Variants in CD8B observed in about 807,000 individuals in gnomAD.
The protein encoded by CD8B is CD8 subunit beta, also known as T-cell surface glycoprotein CD8 beta chain.
In CD8B, 6 loss-of-function variants were observed where a neutral mutation model predicts 24.2. That is an observed-to-expected ratio of 0.25 (90% CI 0.14 to 0.49). The LOEUF is 0.49. Ranked by LOEUF, CD8B falls within the 20% of genes least tolerant of loss-of-function variation. The pLI is 0.98. For synonymous variants in CD8B, 84 were observed against 108.3 expected (o/e 0.78, Z 1.39); for missense variants, 196 against 271.3 (o/e 0.72, Z 1.95).
At chr2:86,859,708 A>G in intron 1 of CD8B, among the ~76,000 whole-genome samples, 1 of 150,790 alleles carries the variant, frequency 6.6e-6, no homozygotes. Flanking sequence ...TTGGCTGTGG[A>G]GCAAAGGGAG....
chr2:86,827,112 T>C (rs893606988), intron 5 of CD8B, among the ~76,000 whole-genome samples: 2 of 152,118 alleles, frequency 1.3e-5, no homozygotes, highest in African/African-American at 4.8e-5. Flanking sequence ...TGAGCCACTG[T>C]GCCTGGCTGA....
chr2:86,837,252 G>T (rs912516156), downstream of CD8B, among the ~76,000 whole-genome samples: 1 of 152,214 alleles, frequency 6.6e-6, no homozygotes, highest in African/African-American at 2.4e-5. Flanking sequence ...CTTGTGAAAG[G>T]CAGTAAACTA....
chr2:86,829,095 CTTT>C (rs746569858), intron 5 of CD8B, among the ~76,000 whole-genome samples: 1 of 82,988 alleles, frequency 1.2e-5, no homozygotes, highest in Non-Finnish European at 2.2e-5. Flanking sequence ...ATGCTCTTTA[CTTT>C]TTTTTTTTTT....
Position 86,841,807 on chromosome 2 carries a change from C to T in CD8B, c.*500G>A. 1 of 985,786 alleles carries T rather than the reference C, an allele frequency of 1.0e-6. No homozygotes were observed. 61.1% of individuals were successfully genotyped at this position (985,786 alleles called of 1,614,324 possible). On this transcript the variant is annotated 3_prime_UTR_variant, in exon 6 of 6. Coordinates refer to ENST00000390655, the MANE Select transcript of CD8B (RefSeq NM_004931.5). Reference sequence around the variant, plus strand: ...ACTGATATGCCTTCTGGGAACTGGACAGCCCCTCTCAGCAAGCCTCATTCC... The same window carrying T: ...ACTGATATGCCTTCTGGGAACTGGATAGCCCCTCTCAGCAAGCCTCATTCC...
chr2:86,852,802 C>A (rs1676039765), intron 3 of CD8B, among the ~76,000 whole-genome samples, 195 bp downstream of exon 3: 1 of 151,626 alleles, frequency 6.6e-6, no homozygotes, highest in East Asian at 1.9e-4. Context: ...TGTCCAGTAA[C>A]AATTTATGAG....
chr2:86,828,285 T>C (rs72847704), intron 5 of CD8B, among the ~76,000 whole-genome samples: 40,374 of 151,738 alleles, frequency 0.27, 5,769 homozygotes, highest in Non-Finnish European at 0.33. Flanking sequence ...GTGGGCAAAA[T>C]TTCTCTACAA....
In CD8B at chr2:86,840,734, C is replaced by CA. The variant is rs906205822; in HGVS notation, c.*1572dup. ...TGTATGTTTTGTTCAGTTCTTTGTT[C>CA]AAAATGCCAAGGACCTGGACAACTT... On this transcript the variant is annotated 3_prime_UTR_variant, in exon 6 of 6. Transcript: ENST00000390655. Among the ~76,000 whole-genome samples the CA allele has an allele frequency of 5.3e-5, 8 of 152,000 alleles. No individual in the cohort carries two copies. The highest frequency in any genetic ancestry group is 1.9e-4 in the African/African-American group (8 of 41,360).
intron 5 of CD8B, among the ~76,000 whole-genome samples, chr2:86,822,009 G>C (rs144940065): frequency 5.9e-4 from 90 of 152,186 alleles, no homozygotes; most frequent in African/African-American, 2.0e-3. Flanking sequence ...TTGCAACTCC[G>C]AGCAACTCTG....
At chr2:86,829,905 G>A (rs892278577) in intron 5 of CD8B, among the ~76,000 whole-genome samples, 4 of 152,152 alleles carry the variant, frequency 2.6e-5, no homozygotes, top group Admixed American at 6.6e-5. Flanking sequence ...TGGGTTCATA[G>A]AATATCTAAC....
intron 3 of CD8B, among the ~76,000 whole-genome samples, chr2:86,850,629 A>G (rs1675927192): frequency 6.6e-6 from 1 of 152,074 alleles, no homozygotes; most frequent in Admixed American, 6.6e-5. Context: ...ACTAGGCTAC[A>G]CTGACCCAGG....
chr2:86,833,070 A>G, intron 5 of CD8B: 1 of 362,712 alleles, frequency 2.8e-6, no homozygotes, highest in Admixed American at 3.3e-5. Context: ...TCATAGGCAC[A>G]GGAACACAGC....
intron 3 of CD8B, among the ~76,000 whole-genome samples, chr2:86,848,701 A>ATTAATTATTTATTTATTTATTTATTTTAT (rs58311096): frequency 1.7e-5 from 1 of 58,890 alleles, no homozygotes; most frequent in Non-Finnish European, 3.0e-5. Flanking sequence ...GTATTTTTAA[A>ATTAATTATTTATTTATTTATTTATTTTAT]TTATTTATTT....
rs753945058 is a variant in CD8B at position 86,832,989 on chromosome 2, TCTCTC to T, written c.620+11928_620+11932del. The T allele has an allele frequency of 2.1e-3, 426 of 203,020 alleles. 1 individual carries two copies. Among genetic ancestry groups the T allele is most frequent in the Admixed American group, 4.7e-3 (69 of 14,740 alleles). The allele number at this position is 203,020 out of a possible 1,614,324, so 12.6% of individuals were successfully genotyped here. On this transcript the variant is annotated intron_variant, in intron 5 of 5. Transcript: ENST00000331469. ...CCTCCCCTCCCCTCCCCTCCCCTCT[TCTCTC>T]CTCTCCTCTTCTCTCTCTCCCTCTT...
intron 3 of CD8B, among the ~76,000 whole-genome samples, chr2:86,847,948 G>T (rs1675768420): frequency 1.3e-5 from 2 of 152,184 alleles, no homozygotes; most frequent in African/African-American, 4.8e-5. Flanking sequence ...TTTTCAACGT[G>T]CCTTTTTTCC....
chr2:86,815,606 C>G, exon 6 of CD8B: 4 of 1,571,340 alleles, frequency 2.5e-6, no homozygotes, highest in Non-Finnish European at 3.5e-6. Flanking sequence ...GTGCTTCTTG[C>G]CTATGTTTTC....
Position 86,840,644 on chromosome 2 carries a change from C to T in CD8B, c.*1663G>A, listed in dbSNP as rs1675379795. On this transcript the variant is annotated 3_prime_UTR_variant, in exon 6 of 6. Transcript: ENST00000390655. Reference sequence around the variant, plus strand: ...GCTATCTGCTTAGGGTCCACTCCTACCATGTGGAGTGCTTTCTCACTTCAA... The same window carrying T: ...GCTATCTGCTTAGGGTCCACTCCTATCATGTGGAGTGCTTTCTCACTTCAA... Among the ~76,000 whole-genome samples the T allele has an allele frequency of 6.6e-6, 1 of 152,230 alleles. No individual in the cohort carries two copies. The highest frequency in any genetic ancestry group is 1.9e-4 in the East Asian group (1 of 5,206).
At chr2:86,853,693 T>TTTTATTTA (rs1160816053) in intron 2 of CD8B, among the ~76,000 whole-genome samples, 5 of 151,968 alleles carry the variant, frequency 3.3e-5, no homozygotes, top group African/African-American at 7.2e-5. Flanking sequence ...ATTTATTTAT[T>TTTTATTTA]TTTATTTATT....
At chr2:86,815,582 A>C (rs763085399) in exon 6 of CD8B, 1 of 1,314,644 alleles carries the variant, frequency 7.6e-7, no homozygotes. Context: ...GTAAAGATCC[A>C]CTCATCAGGA....
At chr2:86,856,626 G>C (rs1427515618) in intron 2 of CD8B, among the ~76,000 whole-genome samples, 1 of 151,864 alleles carries the variant, frequency 6.6e-6, no homozygotes, top group Non-Finnish European at 1.5e-5. Context: ...AAGTGAGCAG[G>C]AAGCAGGGCA....
Sources: allele counts gnomAD v4.1 joint callset (sites outside exome capture counted in the v4.1 genomes callset), GRCh38; gene constraint gnomAD v4.1.1; transcripts MANE v1.5; gene names NCBI Gene and HGNC (gene_info 2026-07-23, HGNC 2026-07-21).